The following PSTPIP1 variants were observed in gnomAD, a reference collection of about 807,000 sequenced individuals.
PSTPIP1 encodes proline-serine-threonine phosphatase-interacting protein 1.
Under a neutral mutation model 69.6 loss-of-function variants are expected in PSTPIP1, and 66 were observed. The ratio of observed to expected loss-of-function variants is 0.95; its 90% CI spans 0.78 to 1.16. The LOEUF (loss-of-function observed/expected upper bound fraction) is 1.16, where lower values mean the gene tolerates loss of function less well. Among genes scored for constraint, PSTPIP1 ranks in the 50% most tolerant of loss-of-function variants. The pLI, the probability that PSTPIP1 is intolerant of heterozygous loss-of-function variation, is 0.00. For synonymous variants in PSTPIP1, 266 were observed against 222.7 expected (o/e 1.19, Z -1.73); for missense variants, 603 against 557.4 (o/e 1.08, Z -0.82).
In PSTPIP1 at chr15:77,018,637, C is replaced by G. The variant is rs191912799; in HGVS notation, c.212+106C>G. The stretch of plus-strand genomic sequence containing the variant: ...TGGCATGGGGGAGGCTGGGCAGAAC[C>G]AGGGTAGGTCTGGATTGCTCCTTGG... On this transcript the variant is annotated intron_variant, in intron 3 of 14. Transcript: ENST00000558012. 2.4e-5 allele frequency: 29 copies of G among 1,224,990 alleles called. No individual in the cohort carries two copies. The Admixed American group carries it at 5.8e-4, about 25-fold the overall frequency. The allele number at this position is 1,224,990 out of a possible 1,614,324, so 75.9% of individuals were successfully genotyped here.
intron 13 of PSTPIP1, 43 bp downstream of exon 13, chr15:77,035,606 G>T: frequency 6.5e-7 from 1 of 1,544,874 alleles, no homozygotes; most frequent in South Asian, 1.2e-5. Context: ...ACTGATCCTG[G>T]GGGGGAGGAG....
At chr15:76,998,173 G>T (rs1359120457) in intron 1 of PSTPIP1, among the ~76,000 whole-genome samples, 1 of 152,224 alleles carries the variant, frequency 6.6e-6, no homozygotes. Flanking sequence ...AAGAGGCAGA[G>T]GTTGCAGTGA....
rs117912248 is a variant in PSTPIP1 at position 77,016,863 on chromosome 15, G to T, written c.37-1285G>T. Among the ~76,000 whole-genome samples, 1,058 of 152,294 alleles carry T rather than the reference G, an allele frequency of 6.9e-3. 4 individuals carry two copies. Among genetic ancestry groups the T allele is most frequent in the Non-Finnish European group, 0.011 (718 of 68,026 alleles). On this transcript the variant is annotated intron_variant, in intron 1 of 14. Coordinates refer to ENST00000558012, the MANE Select transcript of PSTPIP1 (RefSeq NM_003978.5). ...ATCCCTGTTCCCCTCACACCCCTAA[G>T]GTGGCATTTGAGGGGAGACATGGGT...
chr15:77,036,277 C>T (rs561810243), intron 14 of PSTPIP1, among the ~76,000 whole-genome samples: 13 of 152,266 alleles, frequency 8.5e-5, no homozygotes, highest in African/African-American at 1.2e-4. Flanking sequence ...ACAGGCTGGG[C>T]GCTGAGTGGT....
intron 3 of PSTPIP1, among the ~76,000 whole-genome samples, chr15:77,022,974 T>C (rs1159919707): frequency 6.6e-6 from 1 of 152,228 alleles, no homozygotes; most frequent in African/African-American, 2.4e-5. Flanking sequence ...AGACCATCAC[T>C]GTCAAGACTG....
At chr15:77,033,065 TCTGGTGCCCAGTTTAGGTG>T (rs1297848944) in intron 12 of PSTPIP1, 113 bp downstream of exon 12, 2 of 1,085,462 alleles carry the variant, frequency 1.8e-6, no homozygotes, top group African/African-American at 3.1e-5. Context: ...TGTGTCTGTA[TCTGGTGCCCAGTTTAGGTG>T]CTGGGCACTC....
chr15:77,025,824 C>G (rs573105212), intron 5 of PSTPIP1, among the ~76,000 whole-genome samples: 37 of 152,112 alleles, frequency 2.4e-4, no homozygotes, highest in Non-Finnish European at 4.9e-4. Context: ...TCCCAGAGCC[C>G]CATGGAAGGT....
At chr15:77,032,690 T>C in intron 11 of PSTPIP1, 172 bp from the exon 12 acceptor site, 4 of 643,786 alleles carry the variant, frequency 6.2e-6, no homozygotes, top group African/African-American at 1.8e-5. Context: ...GTCCAGAATA[T>C]TAGGTCTTGA....
intron 11 of PSTPIP1, 155 bp from the exon 12 acceptor site, chr15:77,032,707 C>T: frequency 1.5e-6 from 1 of 665,540 alleles, no homozygotes; most frequent in Non-Finnish European, 2.6e-6. Flanking sequence ...TTGATGGTAC[C>T]TACGGTGGGG....
rs746564664 is a variant in PSTPIP1 at position 77,031,209 on chromosome 15, G to A, written c.672G>A (p.Leu224=). ...EAFQLQEFDR[L]TILRNALWVH... ...TTCAGCTGCAAGAGTTTGACCGGCT[G>A]ACCATTCTCCGCAACGCCCTGTGGG... The change falls in exon 10 of 15, where the codon CTG becomes CTA. Residue 224 remains leucine (L), a synonymous_variant. Transcript: ENST00000558012. 3 of 1,612,988 alleles carry A rather than the reference G, an allele frequency of 1.9e-6. No homozygotes were observed. Among genetic ancestry groups the A allele is most frequent in the East Asian group, 2.2e-5 (1 of 44,886 alleles).
chr15:77,030,119 C>G (rs905105881), intron 8 of PSTPIP1, among the ~76,000 whole-genome samples: 4 of 152,210 alleles, frequency 2.6e-5, no homozygotes, highest in Non-Finnish European at 5.9e-5. Context: ...CTCCAGAGAT[C>G]TGGGCACAGA....
chr15:77,036,897 C>T, intron 14 of PSTPIP1, 148 bp from the exon 15 acceptor site: 1 of 1,053,900 alleles, frequency 9.5e-7, no homozygotes, highest in South Asian at 1.6e-5. Context: ...CGTTGGGTTA[C>T]CCCCATCCTG....
At chr15:77,032,195 G>A (rs1224971035) in intron 10 of PSTPIP1, 103 bp from the exon 11 acceptor site, 3 of 1,165,168 alleles carry the variant, frequency 2.6e-6, no homozygotes, top group Non-Finnish European at 3.7e-6. Flanking sequence ...CGCGCACAAT[G>A]GCCTGTGAGG....
At chr15:77,000,510 C>T (rs1020679862) in intron 1 of PSTPIP1, among the ~76,000 whole-genome samples, 2 of 151,174 alleles carry the variant, frequency 1.3e-5, no homozygotes, top group African/African-American at 2.5e-5. Flanking sequence ...CACATACACA[C>T]ACACACTTTC....
chr15:77,000,131 G>A (rs2075666629), intron 1 of PSTPIP1, among the ~76,000 whole-genome samples: 1 of 152,150 alleles, frequency 6.6e-6, no homozygotes, highest in African/African-American at 2.4e-5. Flanking sequence ...GCCACACTGG[G>A]AGGAGCTGAG....
intron 1 of PSTPIP1, chr15:77,015,718 A>G (rs62007206): frequency 0.071 from 24,734 of 350,716 alleles, 995 homozygotes; most frequent in Middle Eastern, 0.11. Flanking sequence ...CCCTCGAGGA[A>G]GTGGCAGGGG....
chr15:77,020,786 C>T (rs1042041535), intron 3 of PSTPIP1, among the ~76,000 whole-genome samples: 2 of 152,100 alleles, frequency 1.3e-5, no homozygotes, highest in Admixed American at 6.5e-5. Flanking sequence ...CCCAATTACC[C>T]CTCCCCATGC....
chr15:77,025,400 T>G (rs2076256521), intron 4 of PSTPIP1, 82 bp downstream of exon 4: 1 of 1,580,234 alleles, frequency 6.3e-7, no homozygotes, highest in Admixed American at 1.7e-5. Context: ...AGATGAGGTG[T>G]TGGGGCTGGG....
Position 77,032,341 on chromosome 15 carries a change from A to T in PSTPIP1, c.785A>T (p.Asp262Val). 1 of 1,612,592 alleles carries T rather than the reference A, an allele frequency of 6.2e-7. No individual in the cohort carries two copies. The highest frequency in any genetic ancestry group is 8.5e-7 in the Non-Finnish European group (1 of 1,179,758). Residue 262 changes from aspartate to valine, a missense_variant, in exon 11 of 15, where the codon GAC (aspartate) becomes GTC (valine). Coordinates refer to ENST00000558012, the MANE Select transcript of PSTPIP1 (RefSeq NM_003978.5). ...CTGACGCTGGAAGGCTGCAGCATAG[A>T]CGCCGACATCGACAGTTTCATCCAG... is the stretch of plus-strand genomic sequence containing the variant. Reference protein sequence around the residue: ...VRLTLEGCSIDADIDSFIQAK... With the variant: ...VRLTLEGCSIVADIDSFIQAK...
Sources: allele counts gnomAD v4.1 joint callset (sites outside exome capture counted in the v4.1 genomes callset), GRCh38; gene constraint gnomAD v4.1.1; transcripts MANE v1.5; gene names NCBI Gene and HGNC (gene_info 2026-07-23, HGNC 2026-07-21).